The following TECRL variants were observed in gnomAD, a reference collection of about 807,000 sequenced individuals.
TECRL encodes the protein trans-2,3-enoyl-CoA reductase-like.
In TECRL, 63 loss-of-function variants were observed where a neutral mutation model predicts 52.8. The observed-to-expected ratio is 1.19, with a 90% confidence interval of 0.97 to 1.47. TECRL has a LOEUF of 1.47. Ranked by LOEUF, TECRL falls within the 40% of genes most tolerant of loss-of-function variation. The probability of loss-of-function intolerance (pLI) is 0.00; values close to 1 mark genes in which losing one functional copy is unlikely to be tolerated. For synonymous variants in TECRL, 164 were observed against 141.9 expected (o/e 1.16, Z -1.10); for missense variants, 482 against 429.6 (o/e 1.12, Z -1.08).
At chr4:64,335,854 C>T (rs1719038954) in intron 2 of TECRL, among the ~76,000 whole-genome samples, 2 of 152,152 alleles carry the variant, frequency 1.3e-5, no homozygotes, top group Admixed American at 6.5e-5. Context: ...CCTTGCATCC[C>T]AGGGATGAAA....
In TECRL at chr4:64,379,807, TG is replaced by T. The variant is rs1435868537; in HGVS notation, c.235-4585del. ...TAATGACTTCTAGTTCCATCTATGT[TG>T]CTGCAAATAGTTGATTCTATAGCTT... On this transcript the variant is annotated intron_variant, in intron 1 of 11. Transcript: ENST00000381210. Among the ~76,000 whole-genome samples, 3 of 152,284 alleles carry T rather than the reference TG, an allele frequency of 2.0e-5. No individual in the cohort carries two copies. In the East Asian group the frequency reaches 5.8e-4, roughly 29 times the overall value.
intron 1 of TECRL, among the ~76,000 whole-genome samples, chr4:64,385,665 T>G (rs185119320): frequency 6.6e-6 from 1 of 152,198 alleles, no homozygotes; most frequent in Non-Finnish European, 1.5e-5. Context: ...GGATATAATT[T>G]ACTGGGGACT....
chr4:64,329,030 C>T (rs1302416967), intron 2 of TECRL, among the ~76,000 whole-genome samples: 1 of 151,798 alleles, frequency 6.6e-6, no homozygotes, highest in East Asian at 1.9e-4. Flanking sequence ...GTATCATTGA[C>T]TTTTAATATT....
At chr4:64,360,313 A>G (rs188339633) in intron 2 of TECRL, among the ~76,000 whole-genome samples, 4 of 152,176 alleles carry the variant, frequency 2.6e-5, no homozygotes, top group Non-Finnish European at 4.4e-5. Flanking sequence ...TTTATCTGCA[A>G]TTTTAAAGTT....
At chr4:64,366,871 G>T (rs905914350) in intron 2 of TECRL, among the ~76,000 whole-genome samples, 8 of 147,844 alleles carry the variant, frequency 5.4e-5, no homozygotes, top group Non-Finnish European at 9.0e-5. Context: ...GTTTGGCCCA[G>T]CAATACCGTT....
Position 64,281,480 on chromosome 4 carries a change from G to T in TECRL, c.912C>A (p.Thr304=), listed in dbSNP as rs757013714. The part of the protein sequence containing the change: ...MFFLVSCPNY[T]YEIGSWISFT... ...ACATACATAAATAACATACCTCATA[G>T]GTGTAGTTAGGACATGAAACCAGGA... The change falls in exon 10 of 12, where the codon ACC becomes ACA. Residue 304 remains threonine (T), a synonymous_variant. Coordinates refer to ENST00000381210, the MANE Select transcript of TECRL (RefSeq NM_001010874.5). 9 of 1,584,218 alleles carry T rather than the reference G, an allele frequency of 5.7e-6. No homozygotes were observed. Among genetic ancestry groups the T allele is most frequent in the African/African-American group, 1.4e-5 (1 of 73,922 alleles).
chr4:64,343,397 T>C (rs185589307), intron 2 of TECRL, among the ~76,000 whole-genome samples: 61 of 152,236 alleles, frequency 4.0e-4, no homozygotes, highest in African/African-American at 1.4e-3. Context: ...TTACCAATTT[T>C]GCATGAGTTA....
chr4:64,401,787 T>C (rs1275270163), intron 1 of TECRL, among the ~76,000 whole-genome samples: 2 of 152,196 alleles, frequency 1.3e-5, no homozygotes, highest in African/African-American at 4.8e-5. Flanking sequence ...TTAAGCTTTA[T>C]GTATGTTTTT....
intron 1 of TECRL, among the ~76,000 whole-genome samples, chr4:64,388,008 C>T (rs542504886): frequency 5.3e-5 from 8 of 151,382 alleles, no homozygotes; most frequent in Non-Finnish European, 1.0e-4. Flanking sequence ...TACTTATTTT[C>T]ATATAGTAGA....
intron 7 of TECRL, among the ~76,000 whole-genome samples, chr4:64,303,945 T>C (rs182551769): frequency 6.6e-6 from 1 of 151,990 alleles, no homozygotes; most frequent in East Asian, 1.9e-4. Context: ...ATCTTGAGCA[T>C]AGTGAAATTA....
intron 2 of TECRL, among the ~76,000 whole-genome samples, chr4:64,366,906 T>TAA (rs71203167): frequency 0.9 from 136,585 of 151,990 alleles, 62,027 homozygotes; most frequent in East Asian, 1. Context: ...TGAAGGAATA[T>TAA]GTCATTCTAC....
At chr4:64,384,013 T>A (rs1560547029) in intron 1 of TECRL, among the ~76,000 whole-genome samples, 1 of 152,150 alleles carries the variant, frequency 6.6e-6, no homozygotes, top group Admixed American at 6.6e-5. Flanking sequence ...GTATTGTCTA[T>A]GTGGTACTCA....
intron 2 of TECRL, among the ~76,000 whole-genome samples, chr4:64,355,520 C>T (rs111584428): frequency 1.2e-3 from 180 of 152,024 alleles, no homozygotes; most frequent in African/African-American, 4.1e-3. Flanking sequence ...TAAAACAGGC[C>T]GGGCACCGTG....
At chr4:64,354,444 A>G (rs17084704) in intron 2 of TECRL, among the ~76,000 whole-genome samples, 2,279 of 152,292 alleles carry the variant, frequency 0.015, 70 homozygotes, top group African/African-American at 0.052. Context: ...TTACAGCAGG[A>G]CAAGTAGCTT....
At chr4:64,387,200 G>C (rs965878237) in intron 1 of TECRL, among the ~76,000 whole-genome samples, 3 of 152,028 alleles carry the variant, frequency 2.0e-5, no homozygotes, top group Non-Finnish European at 4.4e-5. Flanking sequence ...TTTTCACTTA[G>C]TAATGCACAT....
intron 2 of TECRL, among the ~76,000 whole-genome samples, chr4:64,345,264 C>T (rs552553800): frequency 8.6e-5 from 13 of 151,930 alleles, no homozygotes; most frequent in East Asian, 3.9e-4. Context: ...GTGTTTATTG[C>T]GGCACTATTC....
At chr4:64,332,258 C>T (rs1029637525) in intron 2 of TECRL, among the ~76,000 whole-genome samples, 23 of 152,064 alleles carry the variant, frequency 1.5e-4, no homozygotes, top group African/African-American at 3.6e-4. Context: ...GGTAAAAGTC[C>T]GCAATTTCAG....
intron 9 of TECRL, among the ~76,000 whole-genome samples, chr4:64,289,076 A>G (rs1427999417): frequency 6.6e-6 from 1 of 152,212 alleles, no homozygotes; most frequent in African/African-American, 2.4e-5. Flanking sequence ...ATGGATTTTT[A>G]TACTACAAGA....
chr4:64,337,458 A>T (rs1336880009), intron 2 of TECRL, among the ~76,000 whole-genome samples: 2 of 152,184 alleles, frequency 1.3e-5, no homozygotes, highest in African/African-American at 4.8e-5. Flanking sequence ...AATAAAGGGT[A>T]TTCAATTAGG....
Sources: allele counts gnomAD v4.1 joint callset (sites outside exome capture counted in the v4.1 genomes callset), GRCh38; gene constraint gnomAD v4.1.1; transcripts MANE v1.5; gene names NCBI Gene and HGNC (gene_info 2026-07-23, HGNC 2026-07-21).